Variants in SPHKAP observed in about 807,000 individuals in gnomAD.
SPHKAP encodes SPHK1 interactor, AKAP domain containing.
In SPHKAP, 67 loss-of-function variants were observed where a neutral mutation model predicts 137.5. The ratio of observed to expected loss-of-function variants is 0.49; its 90% confidence interval spans 0.40 to 0.60. SPHKAP has a LOEUF of 0.60. Among genes scored for constraint, SPHKAP ranks in the 20% least tolerant of loss-of-function variants. The pLI, the probability that SPHKAP is intolerant of heterozygous loss-of-function variation, is 0.00. For missense variants in SPHKAP, 2,097 were observed against 2,069.3 expected, an observed-to-expected ratio of 1.01 and a Z score of -0.26; for synonymous variants, 813 against 785.3, an observed-to-expected ratio of 1.04 and a Z score of -0.59.
chr2:227,998,129 C>T (rs561939227), intron 7 of SPHKAP, among the ~76,000 whole-genome samples: 2 of 152,200 alleles, frequency 1.3e-5, no homozygotes, highest in Non-Finnish European at 2.9e-5. Flanking sequence ...GCCTCGGCCT[C>T]CCAAGTAGCT....
At chr2:227,993,182 G>T (rs1693481365) in intron 9 of SPHKAP, among the ~76,000 whole-genome samples, 1 of 152,164 alleles carries the variant, frequency 6.6e-6, no homozygotes. Flanking sequence ...TTATTGAAAT[G>T]ATTATGTTTT....
At chr2:228,061,590 G>T (rs1358229049) in intron 3 of SPHKAP, among the ~76,000 whole-genome samples, 1 of 151,914 alleles carries the variant, frequency 6.6e-6, no homozygotes, top group East Asian at 1.9e-4. Context: ...ATTATTATTG[G>T]TCATTATTAG....
chr2:228,059,724 A>G (rs1696573029), intron 3 of SPHKAP, among the ~76,000 whole-genome samples: 1 of 152,238 alleles, frequency 6.6e-6, no homozygotes, highest in Admixed American at 6.5e-5. Context: ...TCTTACCAAT[A>G]AAGAATAATG....
chr2:228,113,909 C>A (rs1308771672), intron 2 of SPHKAP, among the ~76,000 whole-genome samples: 2 of 152,014 alleles, frequency 1.3e-5, no homozygotes, highest in Non-Finnish European at 2.9e-5. Flanking sequence ...TTCAGTAAAC[C>A]ACTTAGCATC....
At position 227,981,775 on chromosome 2, in the gene SPHKAP, T is replaced by C. The variant is rs771190910; in HGVS notation, c.5045A>G (p.His1682Arg). ...FHAVVQYCKM[H>R]EEQKDGRLSL... The stretch of plus-strand genomic sequence containing the variant: ...CAGTCTCCCATCCTTCTGCTCCTCA[T>C]GCATTTTGCAGTACTGGACAACTGC... Residue 1682 changes from histidine (H) to arginine (R), a missense_variant, in exon 12 of 12, where the codon CAT becomes CGT. By Grantham distance (29) the His-to-Arg change is conservative. Coordinates refer to ENST00000392056, the MANE Select transcript of SPHKAP (RefSeq NM_001142644.2). 1 of 1,613,956 alleles carries C rather than the reference T, an allele frequency of 6.2e-7. No homozygotes were observed. Among genetic ancestry groups the C allele is most frequent in the Non-Finnish European group, 8.5e-7 (1 of 1,179,862 alleles).
intron 1 of SPHKAP, among the ~76,000 whole-genome samples, chr2:228,141,465 C>T (rs576072798): frequency 6.6e-6 from 1 of 152,086 alleles, no homozygotes; most frequent in Non-Finnish European, 1.5e-5. Flanking sequence ...AGGTTTTCAG[C>T]ACATTTTCAT....
intron 3 of SPHKAP, among the ~76,000 whole-genome samples, chr2:228,055,812 A>G (rs1469413530): frequency 6.6e-6 from 1 of 152,220 alleles, no homozygotes; most frequent in African/African-American, 2.4e-5. Context: ...CAGTATTTTT[A>G]AAAACTTAAG....
At chr2:228,180,058 C>T (rs967687908) in intron 1 of SPHKAP, among the ~76,000 whole-genome samples, 1 of 152,058 alleles carries the variant, frequency 6.6e-6, no homozygotes, top group South Asian at 2.1e-4. Flanking sequence ...AATGCCTTTG[C>T]GTAAACATCA....
At chr2:228,112,119 T>C (rs1698537225) in intron 2 of SPHKAP, among the ~76,000 whole-genome samples, 1 of 152,150 alleles carries the variant, frequency 6.6e-6, no homozygotes, top group East Asian at 1.9e-4. Context: ...CAACTGATGT[T>C]ATCATGCTTC....
Position 228,126,515 on chromosome 2 carries a change from T to G in SPHKAP, c.138+5465A>C, listed in dbSNP as rs150042993. On this transcript the variant is annotated intron_variant, in intron 2 of 11. Transcript: ENST00000392056. ...TCACTAAAACCTCAGTGTGAATTTA[T>G]CTAACCTTCCTAGCTCTTAAAAAAG... Among the ~76,000 whole-genome samples the G allele has an allele frequency of 3.4e-3, 522 of 152,284 alleles. 2 individuals carry two copies. Among genetic ancestry groups the G allele is most frequent in the African/African-American group, 0.012 (487 of 41,540 alleles).
intron 1 of SPHKAP, among the ~76,000 whole-genome samples, chr2:228,180,378 C>T (rs564788000): frequency 1.3e-5 from 2 of 152,298 alleles, no homozygotes; most frequent in South Asian, 4.1e-4. Flanking sequence ...CCTCCTCCGC[C>T]ACCCCCACCT....
At chr2:228,054,377 T>C (rs951447463) in intron 3 of SPHKAP, among the ~76,000 whole-genome samples, 3 of 151,742 alleles carry the variant, frequency 2.0e-5, no homozygotes, top group Admixed American at 6.6e-5. Flanking sequence ...TTTAAGAAAA[T>C]GGTAGGGTTT....
chr2:228,119,741 G>A (rs1698849049), intron 2 of SPHKAP, among the ~76,000 whole-genome samples: 1 of 152,008 alleles, frequency 6.6e-6, no homozygotes, highest in Admixed American at 6.6e-5. Context: ...AAAAAATTTG[G>A]CATCAGAAAC....
At chr2:228,122,687 A>G (rs7594151) in intron 2 of SPHKAP, among the ~76,000 whole-genome samples, 14,126 of 152,198 alleles carry the variant, frequency 0.093, 815 homozygotes, top group Middle Eastern at 0.13. Context: ...GCCATTCTTG[A>G]CCTGCTTTTG....
intron 11 of SPHKAP, among the ~76,000 whole-genome samples, chr2:227,982,725 T>A (rs1250737907): frequency 1.3e-5 from 2 of 152,178 alleles, no homozygotes. Flanking sequence ...ATGAAAAAGA[T>A]GTGGGCTTGA....
intron 1 of SPHKAP, among the ~76,000 whole-genome samples, chr2:228,136,413 C>T (rs149953670): frequency 6.6e-6 from 1 of 152,174 alleles, no homozygotes; most frequent in Non-Finnish European, 1.5e-5. Context: ...CTTTATAGAA[C>T]AATTTCATAT....
chr2:228,110,012 A>G (rs1698470411), intron 2 of SPHKAP, among the ~76,000 whole-genome samples: 1 of 147,234 alleles, frequency 6.8e-6, no homozygotes, highest in Non-Finnish European at 1.5e-5. Flanking sequence ...TTCATCTTTT[A>G]AAAGATTCCC....
chr2:228,149,246 G>T (rs1466959802), intron 1 of SPHKAP, among the ~76,000 whole-genome samples: 1 of 152,100 alleles, frequency 6.6e-6, no homozygotes, highest in East Asian at 1.9e-4. Flanking sequence ...CACCTGTAAG[G>T]CATGCTCTAG....
At chr2:228,096,811 T>G (rs1698001266) in intron 3 of SPHKAP, among the ~76,000 whole-genome samples, 1 of 152,182 alleles carries the variant, frequency 6.6e-6, no homozygotes, top group Non-Finnish European at 1.5e-5. Flanking sequence ...CTTTTAGCAC[T>G]TTCTCATTTC....
Sources: gnomAD v4.1 joint callset for allele counts (sites outside exome capture counted in the v4.1 genomes callset) on GRCh38, gnomAD v4.1.1 for gene constraint, MANE v1.5 for transcripts, NCBI Gene and HGNC (gene_info 2026-07-23, HGNC 2026-07-21) for gene names.